Variants in CLSTN2 observed in about 807,000 individuals in gnomAD.
CLSTN2 encodes the protein calsyntenin 2, also known as calsyntenin-2.
In CLSTN2, 48 loss-of-function variants were observed where a neutral mutation model predicts 101.2. The ratio of observed to expected loss-of-function variants is 0.47; its 90% CI spans 0.38 to 0.60. The LOEUF is 0.60. CLSTN2 is among the 20% of genes least tolerant of loss of function. The pLI is 0.00. For missense variants in CLSTN2, 1,160 were observed against 1,238.2 expected, an observed-to-expected ratio of 0.94 and a Z score of 0.95; for synonymous variants, 481 against 463.6, an observed-to-expected ratio of 1.04 and a Z score of -0.48.
At chr3:139,974,952 C>T (rs1935789591) in intron 1 of CLSTN2, among the ~76,000 whole-genome samples, 1 of 152,098 alleles carries the variant, frequency 6.6e-6, no homozygotes, top group African/African-American at 2.4e-5. Flanking sequence ...GATTACAGGG[C>T]TCTAAGGGGC....
chr3:140,217,139 C>T (rs748281768), intron 2 of CLSTN2, among the ~76,000 whole-genome samples: 2 of 152,098 alleles, frequency 1.3e-5, no homozygotes, highest in South Asian at 2.1e-4. Flanking sequence ...ATACACACGC[C>T]CAAATCTTCT....
intron 9 of CLSTN2, among the ~76,000 whole-genome samples, chr3:140,533,710 CAAAAAAAAA>C (rs71627883): frequency 3.4e-5 from 2 of 58,890 alleles, no homozygotes; most frequent in African/African-American, 1.2e-4. Flanking sequence ...GACTCCATCT[CAAAAAAAAA>C]AAAAAAAAAA....
At chr3:140,471,825 A>G (rs1054632599) in intron 8 of CLSTN2, among the ~76,000 whole-genome samples, 3 of 152,210 alleles carry the variant, frequency 2.0e-5, no homozygotes, top group African/African-American at 7.2e-5. Flanking sequence ...CAGAAGTTAG[A>G]AATCAGATTT....
chr3:140,503,739 C>G (rs1038273713), intron 8 of CLSTN2, among the ~76,000 whole-genome samples: 10 of 152,086 alleles, frequency 6.6e-5, no homozygotes, highest in African/African-American at 1.2e-4. Flanking sequence ...TTAAAAGGAA[C>G]AAAATTATTA....
intron 1 of CLSTN2, among the ~76,000 whole-genome samples, chr3:140,175,641 G>C (rs2010310926): frequency 6.6e-6 from 1 of 152,054 alleles, no homozygotes; most frequent in African/African-American, 2.4e-5. Context: ...ATCTGTACTG[G>C]GTATCCAGAC....
chr3:140,544,220 G>T (rs1576620251), intron 9 of CLSTN2, among the ~76,000 whole-genome samples: 1 of 152,250 alleles, frequency 6.6e-6, no homozygotes, highest in Non-Finnish European at 1.5e-5. Context: ...CTTATGCAAA[G>T]TGCCTGTTGC....
intron 2 of CLSTN2, among the ~76,000 whole-genome samples, chr3:140,352,933 C>A (rs950216500): frequency 2.6e-5 from 4 of 152,156 alleles, no homozygotes; most frequent in African/African-American, 9.7e-5. Context: ...TTTAACCAAA[C>A]TTGCATGGTA....
At chr3:140,488,711 C>T (rs557330009) in intron 8 of CLSTN2, among the ~76,000 whole-genome samples, 39 of 128,802 alleles carry the variant, frequency 3.0e-4, no homozygotes, top group Non-Finnish European at 4.2e-4. Context: ...AGTATACTGG[C>T]GAACTGGCAA....
intron 2 of CLSTN2, among the ~76,000 whole-genome samples, chr3:140,357,051 G>T (rs1413588698): frequency 6.6e-6 from 1 of 152,132 alleles, no homozygotes; most frequent in Non-Finnish European, 1.5e-5. Context: ...CAGAAGAAAG[G>T]TCCAGTCTAG....
intron 5 of CLSTN2, among the ~76,000 whole-genome samples, chr3:140,445,943 A>G (rs901593587): frequency 1.3e-5 from 2 of 152,164 alleles, no homozygotes; most frequent in African/African-American, 4.8e-5. Context: ...CTGTAGAAGC[A>G]TGGAGGAGAG....
chr3:140,276,198 G>A (rs1208340588), intron 2 of CLSTN2, among the ~76,000 whole-genome samples: 3 of 152,160 alleles, frequency 2.0e-5, no homozygotes, highest in Non-Finnish European at 2.9e-5. Context: ...GAAAGGTAGA[G>A]GCTGTTGCTA....
chr3:140,432,155 G>A (rs796434846), intron 5 of CLSTN2, among the ~76,000 whole-genome samples: 38 of 152,050 alleles, frequency 2.5e-4, no homozygotes, highest in African/African-American at 7.2e-4. Flanking sequence ...CCTGGGGGTC[G>A]GTCCAGGAAC....
intron 1 of CLSTN2, among the ~76,000 whole-genome samples, chr3:140,002,085 G>C (rs1300718268): frequency 1.3e-5 from 2 of 152,102 alleles, no homozygotes; most frequent in Admixed American, 1.3e-4. Context: ...AATAAACTTG[G>C]GAGTGCAGTG....
At chr3:140,398,710 G>A (rs962512077) in intron 2 of CLSTN2, among the ~76,000 whole-genome samples, 6 of 152,164 alleles carry the variant, frequency 3.9e-5, no homozygotes, top group East Asian at 1.9e-4. Context: ...GGATGAACAC[G>A]TAATCTCTCT....
chr3:140,038,296 C>T (rs4683472), intron 1 of CLSTN2, among the ~76,000 whole-genome samples: 18,693 of 152,002 alleles, frequency 0.12, 1,485 homozygotes, highest in African/African-American at 0.22. Context: ...CTCTAATGAT[C>T]AGTGATGTTG....
intron 2 of CLSTN2, among the ~76,000 whole-genome samples, chr3:140,379,093 G>A (rs2087951326): frequency 6.6e-6 from 1 of 152,196 alleles, no homozygotes; most frequent in South Asian, 2.1e-4. Context: ...CAATCTTGTT[G>A]TCTGGCAAGA....
intron 8 of CLSTN2, among the ~76,000 whole-genome samples, chr3:140,509,676 T>C (rs1243332784): frequency 6.6e-6 from 1 of 152,212 alleles, no homozygotes; most frequent in African/African-American, 2.4e-5. Context: ...CCTCCTGGCA[T>C]GTCCCATTCC....
intron 1 of CLSTN2, among the ~76,000 whole-genome samples, chr3:140,089,602 TTATTTA>T (rs1437523910): frequency 1.3e-5 from 2 of 150,544 alleles, no homozygotes; most frequent in Non-Finnish European, 1.5e-5. Flanking sequence ...ATTTATTTAT[TTATTTA>T]TTTATTTATT....
At chr3:140,219,238 G>A (rs920254027) in intron 2 of CLSTN2, among the ~76,000 whole-genome samples, 6 of 152,050 alleles carry the variant, frequency 3.9e-5, no homozygotes, top group African/African-American at 1.4e-4. Flanking sequence ...GAGTAGGGAA[G>A]AGGGTGCAGA....
Sources: gnomAD v4.1 joint callset for allele counts (sites outside exome capture counted in the v4.1 genomes callset) on GRCh38, gnomAD v4.1.1 for gene constraint, MANE v1.5 for transcripts, NCBI Gene and HGNC (gene_info 2026-07-23, HGNC 2026-07-21) for gene names.